The following TNNC1 variants were observed in gnomAD, a reference collection of about 807,000 sequenced individuals.
The protein encoded by TNNC1 is troponin C, slow skeletal and cardiac muscles.
In TNNC1, 10 loss-of-function variants were observed where a neutral mutation model predicts 19.6. The observed-to-expected ratio is 0.51, with a 90% CI of 0.31 to 0.87. The LOEUF (loss-of-function observed/expected upper bound fraction) is 0.87, where lower values mean the gene tolerates loss of function less well. Ranked by LOEUF, TNNC1 falls within the 40% of genes least tolerant of loss-of-function variation. The pLI, the probability that TNNC1 is intolerant of heterozygous loss-of-function variation, is 0.04. For synonymous variants in TNNC1, 85 were observed against 80.1 expected (o/e 1.06, Z -0.33); for missense variants, 115 against 219.8 (o/e 0.52, Z 3.02).
intron 1 of TNNC1, among the ~76,000 whole-genome samples, chr3:52,453,574 G>C (rs1279696320): frequency 6.6e-6 from 1 of 152,188 alleles, no homozygotes. Context: ...CAGATTTTGA[G>C]CATGTGAGAA....
rs548983354 is a variant in TNNC1, at chr3:52,451,258, T to G, written c.*17A>C. 9 of 1,614,014 alleles carry G rather than the reference T, an allele frequency of 5.6e-6. No individual in the cohort carries two copies. The highest frequency in any genetic ancestry group is 5.3e-5 in the African/African-American group (4 of 75,012). ...GTTGGAGGCTGGGCATAGGCAGCTC[T>G]GGGTGAAGGTCAGCATCTACTCCAC... On this transcript the variant is annotated 3_prime_UTR_variant, in exon 6 of 6. Coordinates refer to ENST00000232975, the MANE Select transcript of TNNC1 (RefSeq NM_003280.3). This position sits in a 1 kb window ranked among gnomAD's most constrained non-coding sequence, Gnocchi z 4.8.
At chr3:52,453,045 C>T (rs1209373627) in intron 1 of TNNC1, among the ~76,000 whole-genome samples, 3 of 152,240 alleles carry the variant, frequency 2.0e-5, no homozygotes, top group African/African-American at 4.8e-5. Context: ...TCCCCAACTC[C>T]GCCAGGCCTT....
intron 1 of TNNC1, 141 bp downstream of exon 1, chr3:52,453,851 C>G (rs1706365647): frequency 2.1e-6 from 2 of 965,074 alleles, no homozygotes; most frequent in East Asian, 5.3e-5. Flanking sequence ...AATCACTGTC[C>G]CTGTGAGGGC....
Position 52,451,314 on chromosome 3 carries a change from AAG to A in TNNC1, c.455-10_455-9del. 6.2e-7 allele frequency: 1 copy of A among 1,614,036 alleles called. No homozygotes were observed. The highest frequency in any genetic ancestry group is 8.5e-7 in the Non-Finnish European group (1 of 1,179,970). ...TCATGAACTCCAGGAACTCTGTGGA[AAG>A]AGGGGCAGGTGTGGGTTGAGGGTAG... On this transcript the variant is annotated splice_polypyrimidine_tract_variant and intron_variant, in intron 5 of 5. Transcript: ENST00000232975. This position sits in a 1 kb window ranked among gnomAD's most constrained non-coding sequence, Gnocchi z 4.8.
chr3:52,452,675 CG>C lies in TNNC1; in HGVS notation c.25-163del. 1.3e-6 allele frequency: 1 copy of C among 798,814 alleles called. No individual in the cohort carries two copies. Among genetic ancestry groups the C allele is most frequent in the Non-Finnish European group, 2.1e-6 (1 of 477,174 alleles). 49.5% of individuals were successfully genotyped at this position (798,814 alleles called of 1,614,324 possible). A position where few individuals can be genotyped will look rare whatever the true frequency, so the allele number is the denominator to read the frequency against. On this transcript the variant is annotated intron_variant, in intron 1 of 5. Transcript: ENST00000232975. This position sits in a 1 kb window ranked among gnomAD's most constrained non-coding sequence, Gnocchi z 5.2. The stretch of plus-strand genomic sequence containing the variant: ...TCCCTCCCTGCCCCCAAAGCCCTGA[CG>C]TGACCCAGCTGGCCTCACTGCGACT...
rs1043827011 is a variant in TNNC1, at chr3:52,451,197, C to T, written c.*78G>A. 4.4e-5 allele frequency: 70 copies of T among 1,575,614 alleles called. No individual in the cohort carries two copies. Among genetic ancestry groups the T allele is most frequent in the Admixed American group, 2.5e-4 (15 of 59,660 alleles). On this transcript the variant is annotated 3_prime_UTR_variant, in exon 6 of 6. Transcript: ENST00000232975. The surrounding 1 kb of genome is among the most constrained non-coding windows in gnomAD (Gnocchi z 4.8). Reference sequence around the variant, plus strand: ...ACATGGCCAGGCTCAGGTCCTGGGACCCCGACCCCCTCCCCAACCCCAGGA... The same window carrying T: ...ACATGGCCAGGCTCAGGTCCTGGGATCCCGACCCCCTCCCCAACCCCAGGA...
chr3:52,453,848 G>A, intron 1 of TNNC1, 144 bp downstream of exon 1: 2 of 946,694 alleles, frequency 2.1e-6, no homozygotes, highest in Non-Finnish European at 3.3e-6. Context: ...CAGAATCACT[G>A]TCCCTGTGAG....
At chr3:52,453,025 C>T (rs1312525515) in intron 1 of TNNC1, among the ~76,000 whole-genome samples, 1 of 152,238 alleles carries the variant, frequency 6.6e-6, no homozygotes, top group East Asian at 1.9e-4. Context: ...GCCTCAGAAG[C>T]CAAAATTAGT....
chr3:52,451,827 C>G lies in TNNC1; in HGVS notation c.234G>C (p.Leu78=). ...CCTTCATGCACCGAACCATCATGAC[C>G]AGGAACTCATCAAAGTCCACCGTGC... ...GSGTVDFDEF[L]VMMVRCMKDD... Residue 78 remains leucine (L), a synonymous_variant, in exon 4 of 6, where the codon CTG becomes CTC. Coordinates refer to ENST00000232975, the MANE Select transcript of TNNC1 (RefSeq NM_003280.3). The surrounding 1 kb of genome is among the most constrained non-coding windows in gnomAD (Gnocchi z 4.8). The G allele has an allele frequency of 6.2e-7, 1 of 1,614,090 alleles. No individual in the cohort carries two copies. Among genetic ancestry groups the G allele is most frequent in the Non-Finnish European group, 8.5e-7 (1 of 1,180,010 alleles).
Position 52,452,021 on chromosome 3 carries a change from TAAATTG to T in TNNC1, c.202+79_202+84del. 2 of 1,607,098 alleles carry T rather than the reference TAAATTG, an allele frequency of 1.2e-6. No individual in the cohort carries two copies. ...TGAGGCAACCAAGGCTCGGATAGGC[TAAATTG>T]CTCCCAGCTAAACAGAGCCAGCATT... On this transcript the variant is annotated intron_variant, in intron 3 of 5. Coordinates refer to ENST00000232975, the MANE Select transcript of TNNC1 (RefSeq NM_003280.3). This position sits in a 1 kb window ranked among gnomAD's most constrained non-coding sequence, Gnocchi z 5.2.
intron 1 of TNNC1, 30 bp downstream of exon 1, chr3:52,453,962 A>C (rs1578265386): frequency 1.9e-6 from 3 of 1,578,950 alleles, no homozygotes; most frequent in South Asian, 2.3e-5. Context: ...GGGCCTGCCC[A>C]CCCCAGCCCT....
Position 52,451,708 on chromosome 3 carries a change from T to A in TNNC1, c.317+36A>T, listed in dbSNP as rs771327308. 16 of 1,603,250 alleles carry A rather than the reference T, an allele frequency of 1.0e-5. No individual in the cohort carries two copies. The highest frequency in any genetic ancestry group is 1.3e-5 in the Non-Finnish European group (15 of 1,170,258). ...CCTCCTGTACAGCTCGGCTTGAGTG[T>A]GGGTCAGGGTCAGAGGTCAAGGGTC... On this transcript the variant is annotated intron_variant, in intron 4 of 5. Transcript: ENST00000232975. The surrounding 1 kb of genome is among the most constrained non-coding windows in gnomAD (Gnocchi z 4.8).
Position 52,451,995 on chromosome 3 carries a change from A to G in TNNC1, c.202+111T>C. ...TGTAGCCCTTATGCCCATTTTATAG[A>G]TGAGGCAACCAAGGCTCGGATAGGC... On this transcript the variant is annotated intron_variant, in intron 3 of 5. Transcript: ENST00000232975. The surrounding 1 kb of genome is among the most constrained non-coding windows in gnomAD (Gnocchi z 4.8). The G allele has an allele frequency of 6.3e-7, 1 of 1,579,732 alleles. No individual in the cohort carries two copies. Among genetic ancestry groups the G allele is most frequent in the South Asian group, 1.1e-5 (1 of 90,398 alleles).
chr3:52,452,885 C>T lies in TNNC1; in HGVS notation c.25-372G>A, dbSNP rs973016234. The T allele has an allele frequency of 2.4e-5, 9 of 370,870 alleles. No individual in the cohort carries two copies. The highest frequency in any genetic ancestry group is 3.6e-5 in the Non-Finnish European group (7 of 195,512). 23.0% of individuals were successfully genotyped at this position (370,870 alleles called of 1,614,324 possible). A position where few individuals can be genotyped will look rare whatever the true frequency, so the allele number is the denominator to read the frequency against. On this transcript the variant is annotated intron_variant, in intron 1 of 5. Coordinates refer to ENST00000232975, the MANE Select transcript of TNNC1 (RefSeq NM_003280.3). The surrounding 1 kb of genome is among the most constrained non-coding windows in gnomAD (Gnocchi z 5.2). ...AGTGTGGAGGCAGGCAAGCCACCCA[C>T]GGTAACCTGACCAGGGTGGCCACTG...
chr3:52,452,263 G>A lies in TNNC1; in HGVS notation c.56-11C>T. ...AGGCTGCCTTGAACTCTGTGTTCAG[G>A]GGTTGGGGGGCACAGTAGTCAGGGC... On this transcript the variant is annotated splice_polypyrimidine_tract_variant and intron_variant, in intron 2 of 5. Coordinates refer to ENST00000232975, the MANE Select transcript of TNNC1 (RefSeq NM_003280.3). This position sits in a 1 kb window ranked among gnomAD's most constrained non-coding sequence, Gnocchi z 5.2. 1 of 1,608,332 alleles carries A rather than the reference G, an allele frequency of 6.2e-7. No homozygotes were observed. The highest frequency in any genetic ancestry group is 1.1e-5 in the South Asian group (1 of 91,086).
Position 52,452,094 on chromosome 3 carries a change from G to T in TNNC1, c.202+12C>A. The T allele has an allele frequency of 6.2e-7, 1 of 1,613,830 alleles. No individual in the cohort carries two copies. Among genetic ancestry groups the T allele is most frequent in the African/African-American group, 1.3e-5 (1 of 75,060 alleles). On this transcript the variant is annotated intron_variant, in intron 3 of 5. Transcript: ENST00000232975. The surrounding 1 kb of genome is among the most constrained non-coding windows in gnomAD (Gnocchi z 5.2). ...TGGGGTTCTTCTGGAGCCTGGGGAG[G>T]AGGGGGCTCACCGTCCTCGTCCACC...
rs201112655 is a variant in TNNC1 at position 52,451,873 on chromosome 3, C to T, written c.203-15G>A. On this transcript the variant is annotated splice_polypyrimidine_tract_variant and intron_variant, in intron 3 of 5. Coordinates refer to ENST00000232975, the MANE Select transcript of TNNC1 (RefSeq NM_003280.3). The surrounding 1 kb of genome is among the most constrained non-coding windows in gnomAD (Gnocchi z 4.8). ...CGTGCCGCTGCCTGGGGGTGGGCAG[C>T]ATGGCCGTTACAGAGGCCAGGGTAG... The T allele has an allele frequency of 6.2e-7, 1 of 1,612,614 alleles. No homozygotes were observed. The highest frequency in any genetic ancestry group is 8.5e-7 in the Non-Finnish European group (1 of 1,178,810).
Position 52,451,590 on chromosome 3 carries a change from C to T in TNNC1, c.318-63G>A. Reference sequence around the variant, plus strand: ...GCATGAGGCAGCCCCACCCATGCCCCAGGAGGCAGAGCAGGGACACTGGGA... The same window carrying T: ...GCATGAGGCAGCCCCACCCATGCCCTAGGAGGCAGAGCAGGGACACTGGGA... On this transcript the variant is annotated intron_variant, in intron 4 of 5. Coordinates refer to ENST00000232975, the MANE Select transcript of TNNC1 (RefSeq NM_003280.3). This position sits in a 1 kb window ranked among gnomAD's most constrained non-coding sequence, Gnocchi z 4.8. 6.2e-7 allele frequency: 1 copy of T among 1,609,984 alleles called. No homozygotes were observed. Among genetic ancestry groups the T allele is most frequent in the Non-Finnish European group, 8.5e-7 (1 of 1,176,882 alleles).
rs1311742669 is a variant in TNNC1, at chr3:52,451,720, A to G, written c.317+24T>C. 4 of 1,608,474 alleles carry G rather than the reference A, an allele frequency of 2.5e-6. No individual in the cohort carries two copies. The highest frequency in any genetic ancestry group is 1.7e-5 in the Admixed American group (1 of 60,012). On this transcript the variant is annotated intron_variant, in intron 4 of 5. Coordinates refer to ENST00000232975, the MANE Select transcript of TNNC1 (RefSeq NM_003280.3). The surrounding 1 kb of genome is among the most constrained non-coding windows in gnomAD (Gnocchi z 4.8). ...CTCGGCTTGAGTGTGGGTCAGGGTC[A>G]GAGGTCAAGGGTCACGTGCTCACTT...
Sources: gnomAD v4.1 joint callset for allele counts (sites outside exome capture counted in the v4.1 genomes callset) on GRCh38, gnomAD v4.1.1 for gene constraint, Gnocchi (gnomAD v3.1) non-coding constraint, MANE v1.5 for transcripts, NCBI Gene and HGNC (gene_info 2026-07-23, HGNC 2026-07-21) for gene names.